ZFAND3: variants seen among roughly 807,000 people sequenced by gnomAD.
ZFAND3 encodes the protein AN1-type zinc finger protein 3.
In ZFAND3, 10 loss-of-function variants were observed where a neutral mutation model predicts 29.6. The ratio of observed to expected loss-of-function variants is 0.34; its 90% CI spans 0.21 to 0.57. The LOEUF is 0.57. ZFAND3 is among the 20% of genes least tolerant of loss of function. ZFAND3 has a pLI of 0.86. For missense variants in ZFAND3, 230 were observed against 304.5 expected, an observed-to-expected ratio of 0.76 and a Z score of 1.82; for synonymous variants, 128 against 112.6, an observed-to-expected ratio of 1.14 and a Z score of -0.87.
intron 2 of ZFAND3, among the ~76,000 whole-genome samples, chr6:37,972,028 G>T (rs1288140472): frequency 6.6e-6 from 1 of 151,358 alleles, no homozygotes; most frequent in African/African-American, 2.4e-5. Flanking sequence ...AAGGTTTTTG[G>T]TTGCATAGGA....
intron 4 of ZFAND3, among the ~76,000 whole-genome samples, chr6:38,082,993 T>C (rs960392450): frequency 2.6e-5 from 4 of 152,162 alleles, no homozygotes; most frequent in Non-Finnish European, 4.4e-5. Context: ...CTTGTGGCTC[T>C]CTAAAGAGCA....
At chr6:37,967,772 A>C (rs922814645) in intron 2 of ZFAND3, among the ~76,000 whole-genome samples, 1 of 151,486 alleles carries the variant, frequency 6.6e-6, no homozygotes, top group Non-Finnish European at 1.5e-5. Flanking sequence ...TATGTTGCCA[A>C]CCTCCCATCT....
At chr6:38,030,343 A>AT (rs1304200914) in intron 2 of ZFAND3, among the ~76,000 whole-genome samples, 1 of 151,786 alleles carries the variant, frequency 6.6e-6, no homozygotes, top group Non-Finnish European at 1.5e-5. Flanking sequence ...ATATGCATAT[A>AT]TTTTTACCAC....
At chr6:37,834,218 TG>T (rs972014296) in intron 1 of ZFAND3, among the ~76,000 whole-genome samples, 1 of 152,256 alleles carries the variant, frequency 6.6e-6, no homozygotes, top group African/African-American at 2.4e-5. Flanking sequence ...TCCCTAATTT[TG>T]GCTTTTCCAA....
chr6:38,067,209 A>G (rs1215707718), intron 3 of ZFAND3, among the ~76,000 whole-genome samples: 3 of 152,212 alleles, frequency 2.0e-5, no homozygotes, highest in Admixed American at 1.3e-4. Context: ...TTGGCCCTCC[A>G]TATATGTGGG....
chr6:38,143,284 C>T lies in ZFAND3; in HGVS notation c.530-8951C>T, dbSNP rs1317894080. ...ATCAACAGTGGTGAATTTTTTTATA[C>T]TTTTAAAATGGCATGTGTACAAACT... On this transcript the variant is annotated intron_variant, in intron 5 of 5. Coordinates refer to ENST00000287218, the MANE Select transcript of ZFAND3 (RefSeq NM_021943.3). The T allele has an allele frequency of 2.0e-5, 3 of 152,326 alleles. No homozygotes were observed. In the East Asian group the frequency reaches 5.8e-4, roughly 29 times the overall value. The allele number at this position is 152,326 out of a possible 1,614,324, so 9.4% of individuals were successfully genotyped here. A position where few individuals can be genotyped will look rare whatever the true frequency, so the allele number is the denominator to read the frequency against.
At chr6:38,088,939 A>G (rs141135436) in intron 4 of ZFAND3, among the ~76,000 whole-genome samples, 1,992 of 152,294 alleles carry the variant, frequency 0.013, 28 homozygotes, top group Middle Eastern at 0.048. Context: ...TTTTTACCCT[A>G]TAAGAAGCAT....
chr6:37,956,818 A>T lies in ZFAND3; in HGVS notation c.112+26819A>T, dbSNP rs77442907. Among the ~76,000 whole-genome samples the T allele has an allele frequency of 1.9e-4, 29 of 152,322 alleles. No individual in the cohort carries two copies. The East Asian group carries it at 5.4e-3, about 28-fold the overall frequency. On this transcript the variant is annotated intron_variant, in intron 2 of 5. Transcript: ENST00000287218. ...CATCTGCTTTAGTATGGATGGTCTC[A>T]TTAAGAGTGCTAAGTGTGGAAGCCA...
At chr6:37,878,231 G>A (rs1006580628) in intron 1 of ZFAND3, among the ~76,000 whole-genome samples, 1 of 152,208 alleles carries the variant, frequency 6.6e-6, no homozygotes, top group Non-Finnish European at 1.5e-5. Context: ...CACTCCAGGA[G>A]CTCACTGCCA....
At chr6:37,825,871 G>C in intron 1 of ZFAND3, among the ~76,000 whole-genome samples, 1 of 152,152 alleles carries the variant, frequency 6.6e-6, no homozygotes, top group East Asian at 1.9e-4. Context: ...ATTTAGAACA[G>C]AATACTTAGA....
chr6:37,905,508 G>A (rs928311022), intron 1 of ZFAND3, among the ~76,000 whole-genome samples: 2 of 152,102 alleles, frequency 1.3e-5, no homozygotes, highest in Admixed American at 6.6e-5. Context: ...CTGGTAGAGG[G>A]AAAGAAATGC....
intron 4 of ZFAND3, among the ~76,000 whole-genome samples, chr6:38,115,155 A>T (rs1370303859): frequency 6.6e-6 from 1 of 152,178 alleles, no homozygotes; most frequent in Admixed American, 6.5e-5. Flanking sequence ...GGGCTGGGGG[A>T]CTGTGAGCAA....
chr6:37,858,553 T>C (rs1342660968), intron 1 of ZFAND3, among the ~76,000 whole-genome samples: 1 of 152,230 alleles, frequency 6.6e-6, no homozygotes, highest in Non-Finnish European at 1.5e-5. Context: ...CCATAAAACA[T>C]TTACTTTGCA....
intron 5 of ZFAND3, among the ~76,000 whole-genome samples, chr6:38,141,585 A>C (rs547560271): frequency 1.4e-4 from 21 of 152,384 alleles, no homozygotes; most frequent in African/African-American, 5.0e-4. Context: ...GCATGCATTT[A>C]TAGTCTGTAA....
At chr6:37,824,957 A>G (rs1329462027) in intron 1 of ZFAND3, among the ~76,000 whole-genome samples, 5 of 152,262 alleles carry the variant, frequency 3.3e-5, no homozygotes, top group Non-Finnish European at 7.3e-5. Context: ...GATTGAAAAC[A>G]TAACATGATT....
chr6:38,154,253 C>T lies in ZFAND3; in HGVS notation c.*1864C>T, dbSNP rs529125203. 530 of 985,506 alleles carry T rather than the reference C, an allele frequency of 5.4e-4. 1 individual carries two copies. The African/African-American group carries it at 8.1e-3, about 15-fold the overall frequency. The allele number at this position is 985,506 out of a possible 1,614,324, so 61.0% of individuals were successfully genotyped here. ...CCGAAGAGGCTGTGCGAGCCCTTCC[C>T]GGCCCTCCCCAGGGCCCCCCGCCCC... On this transcript the variant is annotated 3_prime_UTR_variant, in exon 6 of 6. Transcript: ENST00000287218.
chr6:38,032,407 A>T (rs1194961871), intron 2 of ZFAND3, among the ~76,000 whole-genome samples: 1 of 152,212 alleles, frequency 6.6e-6, no homozygotes. Flanking sequence ...CAAGTCTTTG[A>T]GACAGTTAAG....
At chr6:37,968,583 G>A (rs1762332064) in intron 2 of ZFAND3, among the ~76,000 whole-genome samples, 2 of 152,144 alleles carry the variant, frequency 1.3e-5, no homozygotes, top group Admixed American at 1.3e-4. Context: ...TCTTTTCAGA[G>A]TGAGAACTGG....
At chr6:37,831,670 G>T (rs1763864553) in intron 1 of ZFAND3, among the ~76,000 whole-genome samples, 1 of 152,204 alleles carries the variant, frequency 6.6e-6, no homozygotes, top group Admixed American at 6.5e-5. Context: ...AAGACGAGCA[G>T]AAGTTAACCA....
Sources: allele counts gnomAD v4.1 joint callset (sites outside exome capture counted in the v4.1 genomes callset), GRCh38; gene constraint gnomAD v4.1.1; transcripts MANE v1.5; gene names NCBI Gene and HGNC (gene_info 2026-07-23, HGNC 2026-07-21).